RNLS: variants seen among roughly 807,000 people sequenced by gnomAD.
RNLS encodes renalase, FAD dependent amine oxidase.
Under a neutral mutation model 39.8 loss-of-function variants are expected in RNLS, and 39 were observed. That is an observed-to-expected ratio of 0.98 (90% CI 0.76 to 1.28). The LOEUF (loss-of-function observed/expected upper bound fraction) is 1.28, where lower values mean the gene tolerates loss of function less well. Ranked by LOEUF, RNLS falls within the 50% of genes most tolerant of loss-of-function variation. The pLI is 0.00. For synonymous variants in RNLS, 147 were observed against 150.7 expected (o/e 0.98, Z 0.18); for missense variants, 410 against 413.3 (o/e 0.99, Z 0.07).
At chr10:88,280,849 T>C (rs1030146313), downstream of RNLS, among the ~76,000 whole-genome samples, 7 of 152,322 alleles carry the variant, frequency 4.6e-5, no homozygotes, top group Middle Eastern at 3.4e-3. Context: ...TCCAAGATGG[T>C]TAAGAACTGG....
chr10:88,181,490 G>A, the RNLS span, among the ~76,000 whole-genome samples: 5 of 152,136 alleles, frequency 3.3e-5, no homozygotes, highest in Non-Finnish European at 5.9e-5. Context: ...CTGTGGTAAT[G>A]TGTTATATGG....
the RNLS span, among the ~76,000 whole-genome samples, chr10:88,198,593 T>C: frequency 9.2e-5 from 14 of 152,270 alleles, no homozygotes; most frequent in African/African-American, 3.1e-4. Flanking sequence ...GATTGGATCA[T>C]GGTGATTGGA....
rs1265952532 is a variant in RNLS at position 88,427,125 on chromosome 10, A to G, written c.527-64400T>C. On this transcript the variant is annotated intron_variant, in intron 4 of 6. Coordinates refer to ENST00000331772, the MANE Select transcript of RNLS (RefSeq NM_001031709.3). The stretch of plus-strand genomic sequence containing the variant: ...TGGAGATTCGTGGTTAAATAGAAAG[A>G]GGTTTGTTTAATCTTTATCACAATT... Among the ~76,000 whole-genome samples the G allele has an allele frequency of 5.3e-5, 8 of 152,018 alleles. No homozygotes were observed. The East Asian group carries it at 1.5e-3, about 29-fold the overall frequency.
At chr10:88,417,080 C>T (rs186671179) in intron 4 of RNLS, among the ~76,000 whole-genome samples, 2 of 152,302 alleles carry the variant, frequency 1.3e-5, no homozygotes, top group East Asian at 3.9e-4. Context: ...AGAATCTGGC[C>T]TTCCTAGACT....
At chr10:88,220,749 A>C in the RNLS span, among the ~76,000 whole-genome samples, 1 of 152,164 alleles carries the variant, frequency 6.6e-6, no homozygotes. Flanking sequence ...ATGTTTATTC[A>C]TGACTGGACC....
chr10:88,538,827 T>A (rs190682969), intron 4 of RNLS, among the ~76,000 whole-genome samples: 2,370 of 152,194 alleles, frequency 0.016, 27 homozygotes, highest in Non-Finnish European at 0.026. Flanking sequence ...TTATAACATC[T>A]ACTTGATGGA....
chr10:88,431,301 C>T (rs1199956838), intron 4 of RNLS, among the ~76,000 whole-genome samples: 1 of 151,558 alleles, frequency 6.6e-6, no homozygotes, highest in Non-Finnish European at 1.5e-5. Context: ...ATACCAGTAT[C>T]TCTACAGACT....
chr10:88,448,861 G>C (rs1842197134), intron 4 of RNLS, among the ~76,000 whole-genome samples: 1 of 152,182 alleles, frequency 6.6e-6, no homozygotes, highest in African/African-American at 2.4e-5. Context: ...GGACATGGAT[G>C]AAGCTGGAAA....
intron 6 of RNLS, among the ~76,000 whole-genome samples, chr10:88,310,824 A>AAAAG (rs1554854326): frequency 7.1e-5 from 8 of 113,466 alleles, no homozygotes; most frequent in Admixed American, 3.9e-4. Context: ...AAAAAAAAAA[A>AAAAG]AAAGAAAGAA....
the RNLS span, among the ~76,000 whole-genome samples, chr10:88,192,208 G>A: frequency 6.6e-6 from 1 of 151,990 alleles, no homozygotes; most frequent in Admixed American, 6.6e-5. Flanking sequence ...TTGCTGCCTG[G>A]ATAACATGGA....
chr10:88,250,055 G>A, the RNLS span, among the ~76,000 whole-genome samples: 3 of 152,134 alleles, frequency 2.0e-5, no homozygotes, highest in Non-Finnish European at 4.4e-5. Context: ...TGTTGTTTGC[G>A]CTATTAAAGT....
At chr10:88,224,978 T>C in the RNLS span, among the ~76,000 whole-genome samples, 9 of 152,236 alleles carry the variant, frequency 5.9e-5, no homozygotes, top group Non-Finnish European at 1.3e-4. Context: ...GATCACCTGA[T>C]AGGTATCTTA....
chr10:88,472,338 TA>T (rs1045054798), intron 4 of RNLS, among the ~76,000 whole-genome samples: 1 of 152,116 alleles, frequency 6.6e-6, no homozygotes. Context: ...TAAATACAGA[TA>T]AGCACAGGTT....
chr10:88,509,890 C>T (rs546731433), intron 4 of RNLS, among the ~76,000 whole-genome samples: 10 of 152,262 alleles, frequency 6.6e-5, no homozygotes, highest in Admixed American at 5.9e-4. Context: ...GAGTGATACT[C>T]ATCTGCCTGG....
At chr10:88,449,560 A>T (rs1395967056) in intron 4 of RNLS, among the ~76,000 whole-genome samples, 2 of 152,186 alleles carry the variant, frequency 1.3e-5, no homozygotes, top group Non-Finnish European at 2.9e-5. Flanking sequence ...GAACTCATGA[A>T]GGGCAAGGAC....
rs540524810 is a variant in RNLS, at chr10:88,488,903, TA to T, written c.526+83999del. On this transcript the variant is annotated intron_variant, in intron 4 of 6. Transcript: ENST00000331772. ...ATGCATCTGAATATTTAAAAGATCT[TA>T]AAAAAATTCTTTGTAGTCAGTTCAG... 3.7e-4 allele frequency among the ~76,000 whole-genome samples: 56 copies of T among 152,282 alleles called. No homozygotes were observed. The South Asian group carries it at 8.1e-3, about 22-fold the overall frequency.
intron 4 of RNLS, among the ~76,000 whole-genome samples, chr10:88,544,927 A>G (rs1256699970): frequency 6.6e-6 from 1 of 152,124 alleles, no homozygotes; most frequent in Non-Finnish European, 1.5e-5. Context: ...TTTGTTGTAC[A>G]GTGTAGAATG....
intron 4 of RNLS, among the ~76,000 whole-genome samples, chr10:88,541,917 A>G (rs1246494322): frequency 6.6e-6 from 1 of 152,098 alleles, no homozygotes; most frequent in East Asian, 1.9e-4. Context: ...GGAACTAGGG[A>G]GCTGGGAAAG....
At chr10:88,569,138 G>A (rs1451414666) in intron 4 of RNLS, among the ~76,000 whole-genome samples, 2 of 152,114 alleles carry the variant, frequency 1.3e-5, no homozygotes, top group East Asian at 3.8e-4. Flanking sequence ...CTTTTTGTCA[G>A]GCTTGGGAAT....
Sources: gnomAD v4.1 joint callset for allele counts (sites outside exome capture counted in the v4.1 genomes callset) on GRCh38, gnomAD v4.1.1 for gene constraint, MANE v1.5 for transcripts, NCBI Gene and HGNC (gene_info 2026-07-23, HGNC 2026-07-21) for gene names.